The following BNC2 variants were observed in gnomAD, a reference collection of about 807,000 sequenced individuals.
The protein encoded by BNC2 is zinc finger protein basonuclin-2.
Under a neutral mutation model 76.3 loss-of-function variants are expected in BNC2, and 20 were observed. That is an observed-to-expected ratio of 0.26 (90% CI 0.18 to 0.38). The LOEUF (loss-of-function observed/expected upper bound fraction) is 0.38. BNC2 is among the 10% of genes least tolerant of loss of function. BNC2 has a pLI of 1.00. For synonymous variants in BNC2, 582 were observed against 514.8 expected (o/e 1.13, Z -1.77); for missense variants, 1,382 against 1,399.8 (o/e 0.99, Z 0.20).
chr9:16,567,734 A>T (rs2132783867), intron 4 of BNC2, among the ~76,000 whole-genome samples: 1 of 152,312 alleles, frequency 6.6e-6, no homozygotes, highest in Admixed American at 6.5e-5. Context: ...CTTAAAAGTC[A>T]AATTCAAGTG....
intron 1 of BNC2, among the ~76,000 whole-genome samples, chr9:16,760,567 GATATGA>G (rs1437653029): frequency 2.0e-5 from 3 of 152,102 alleles, no homozygotes; most frequent in Admixed American, 1.3e-4. Context: ...CAACTACAGG[GATATGA>G]ATACCAGGAG....
intron 1 of BNC2, among the ~76,000 whole-genome samples, chr9:16,821,039 C>CT (rs1818315936): frequency 6.6e-6 from 1 of 151,904 alleles, no homozygotes; most frequent in African/African-American, 2.4e-5. Context: ...TCGAGACCAG[C>CT]CTGGCCAACA....
intron 3 of BNC2, among the ~76,000 whole-genome samples, chr9:16,654,477 C>T (rs996905852): frequency 6.6e-6 from 1 of 152,130 alleles, no homozygotes; most frequent in Admixed American, 6.5e-5. Flanking sequence ...GGTCCCAAAT[C>T]CTCCTGAAAC....
intron 1 of BNC2, among the ~76,000 whole-genome samples, chr9:16,790,396 T>G (rs1817471470): frequency 6.6e-6 from 1 of 152,238 alleles, no homozygotes; most frequent in Non-Finnish European, 1.5e-5. Flanking sequence ...TATAAATGTG[T>G]AGGAAAATGA....
intron 3 of BNC2, among the ~76,000 whole-genome samples, chr9:16,678,988 A>G (rs1822742892): frequency 6.6e-6 from 1 of 152,212 alleles, no homozygotes; most frequent in Non-Finnish European, 1.5e-5. Flanking sequence ...CAAGAAAACA[A>G]CATGGATGGG....
chr9:16,737,783 A>G (rs1418143700), intron 2 of BNC2, among the ~76,000 whole-genome samples: 1 of 152,176 alleles, frequency 6.6e-6, no homozygotes, highest in East Asian at 1.9e-4. Context: ...AAGACTTAAC[A>G]GGTCCCTTAG....
intron 5 of BNC2, among the ~76,000 whole-genome samples, chr9:16,441,815 GC>G (rs1821134885): frequency 6.6e-6 from 1 of 152,054 alleles, no homozygotes; most frequent in Admixed American, 6.6e-5. Context: ...AGTCCTCCTT[GC>G]AAACAGTATA....
At chr9:16,744,853 A>C (rs1439989906) in intron 1 of BNC2, among the ~76,000 whole-genome samples, 1 of 152,226 alleles carries the variant, frequency 6.6e-6, no homozygotes, top group Admixed American at 6.5e-5. Context: ...TTATCACATC[A>C]TGCCCACATA....
At chr9:16,828,711 A>C (rs1818508126) in intron 1 of BNC2, among the ~76,000 whole-genome samples, 1 of 152,216 alleles carries the variant, frequency 6.6e-6, no homozygotes, top group African/African-American at 2.4e-5. Context: ...TCTGTGAAAG[A>C]AGCCCTTCCT....
chr9:16,720,413 G>A (rs991608866), intron 3 of BNC2, among the ~76,000 whole-genome samples: 1 of 152,222 alleles, frequency 6.6e-6, no homozygotes, highest in Admixed American at 6.5e-5. Context: ...CTTGTATTTA[G>A]GTCATTAAGT....
At chr9:16,465,253 T>C (rs951005322) in intron 5 of BNC2, among the ~76,000 whole-genome samples, 1 of 152,006 alleles carries the variant, frequency 6.6e-6, no homozygotes, top group Admixed American at 6.6e-5. Flanking sequence ...CTGGCCAACA[T>C]GGCAAAACCC....
chr9:16,558,510 C>T (rs1818907212), intron 4 of BNC2, among the ~76,000 whole-genome samples: 1 of 152,288 alleles, frequency 6.6e-6, no homozygotes, highest in African/African-American at 2.4e-5. Flanking sequence ...ATTTCCTTGT[C>T]CCTCCACTAC....
chr9:16,641,752 C>G (rs923161903), intron 3 of BNC2, among the ~76,000 whole-genome samples: 1 of 152,082 alleles, frequency 6.6e-6, no homozygotes, highest in African/African-American at 2.4e-5. Flanking sequence ...AGCATATATA[C>G]AAAGATATGG....
At chr9:16,765,116 C>T (rs1452710410) in intron 1 of BNC2, among the ~76,000 whole-genome samples, 1 of 152,130 alleles carries the variant, frequency 6.6e-6, no homozygotes, top group Admixed American at 6.5e-5. Flanking sequence ...TTGTACTATC[C>T]ACACTCTATC....
intron 3 of BNC2, among the ~76,000 whole-genome samples, chr9:16,591,230 C>G (rs1029910024): frequency 6.6e-6 from 1 of 152,190 alleles, no homozygotes; most frequent in Non-Finnish European, 1.5e-5. Context: ...TGGACAACTA[C>G]TAAGCTTACT....
At chr9:16,815,698 T>C (rs1318516345) in intron 1 of BNC2, among the ~76,000 whole-genome samples, 1 of 152,222 alleles carries the variant, frequency 6.6e-6, no homozygotes, top group African/African-American at 2.4e-5. Flanking sequence ...TCCTGCTATA[T>C]CTGTGCTTCC....
intron 5 of BNC2, among the ~76,000 whole-genome samples, chr9:16,527,110 AAT>A (rs1408785754): frequency 1.3e-5 from 2 of 152,178 alleles, no homozygotes; most frequent in African/African-American, 4.8e-5. Flanking sequence ...CAAACAGAGG[AAT>A]GACACACTGC....
intron 4 of BNC2, among the ~76,000 whole-genome samples, chr9:16,581,855 G>A (rs1819637268): frequency 6.6e-6 from 1 of 152,136 alleles, no homozygotes; most frequent in Non-Finnish European, 1.5e-5. Flanking sequence ...TGGGCATGAA[G>A]GACTGCAGGA....
At chr9:16,692,454 G>C (rs1332245952) in intron 3 of BNC2, among the ~76,000 whole-genome samples, 3 of 152,132 alleles carry the variant, frequency 2.0e-5, no homozygotes, top group Non-Finnish European at 4.4e-5. Flanking sequence ...TGTAAAATGA[G>C]GATACTTATA....
Sources: allele counts gnomAD v4.1 joint callset (sites outside exome capture counted in the v4.1 genomes callset), GRCh38; gene constraint gnomAD v4.1.1; transcripts MANE v1.5; gene names NCBI Gene and HGNC (gene_info 2026-07-23, HGNC 2026-07-21).